The following RARB variants were observed in gnomAD, a reference collection of about 807,000 sequenced individuals.
RARB encodes the protein HBV-activated protein.
RARB carries 17 observed loss-of-function variants against 51.9 expected under a neutral mutation model. The observed-to-expected ratio is 0.33, with a 90% confidence interval of 0.22 to 0.49. The LOEUF is 0.49. RARB is among the 20% of genes least tolerant of loss of function. RARB has a pLI of 0.99. For synonymous variants in RARB, 215 were observed against 195.4 expected, an observed-to-expected ratio of 1.10 and a Z score of -0.84; for missense variants, 369 against 550.8, an observed-to-expected ratio of 0.67 and a Z score of 3.30.
chr3:25,053,113 T>C (rs1461372839), intron 2 of RARB, among the ~76,000 whole-genome samples: 1 of 152,092 alleles, frequency 6.6e-6, no homozygotes, highest in Non-Finnish European at 1.5e-5. Flanking sequence ...TGGAGTAGGC[T>C]GAGGGGGAGA....
chr3:24,938,442 G>T (rs945933262), intron 2 of RARB, among the ~76,000 whole-genome samples: 1 of 151,992 alleles, frequency 6.6e-6, no homozygotes, highest in South Asian at 2.1e-4. Flanking sequence ...TTTGTTTTCA[G>T]TCCAGTAGAT....
Position 25,224,952 on chromosome 3 carries a change from G to A in RARB, c.178+50377G>A, listed in dbSNP as rs186469776. Among the ~76,000 whole-genome samples, 413 of 152,190 alleles carry A rather than the reference G, an allele frequency of 2.7e-3. 2 individuals are homozygous for A. The highest frequency in any genetic ancestry group is 9.2e-3 in the African/African-American group (382 of 41,530). Reference sequence around the variant, plus strand: ...AAGCAGCTTAACGTTCACAGGATTTGTATTCAGAAGATAAGACAGCTTTAG... The same window carrying A: ...AAGCAGCTTAACGTTCACAGGATTTATATTCAGAAGATAAGACAGCTTTAG... On this transcript the variant is annotated intron_variant, in intron 5 of 11. Coordinates refer to the RARB transcript ENST00000383772.
intron 2 of RARB, among the ~76,000 whole-genome samples, chr3:25,057,337 TA>T (rs1698461319): frequency 1.3e-5 from 2 of 152,084 alleles, no homozygotes; most frequent in Non-Finnish European, 2.9e-5. Flanking sequence ...ATTATCTCCA[TA>T]ATTTTTCAAA....
intron 3 of RARB, among the ~76,000 whole-genome samples, chr3:25,104,672 G>A (rs1023851181): frequency 6.6e-6 from 1 of 152,000 alleles, no homozygotes; most frequent in Non-Finnish European, 1.5e-5. Flanking sequence ...ATCTCACAGT[G>A]ATACTATTGT....
intron 2 of RARB, among the ~76,000 whole-genome samples, chr3:24,874,014 T>C (rs998573233): frequency 1.8e-4 from 27 of 152,072 alleles, no homozygotes; most frequent in African/African-American, 6.0e-4. Flanking sequence ...ACTATTTACA[T>C]AGCATTTAAA....
At chr3:25,296,921 C>T (rs1428703035) in intron 5 of RARB, among the ~76,000 whole-genome samples, 1 of 152,114 alleles carries the variant, frequency 6.6e-6, no homozygotes, top group Non-Finnish European at 1.5e-5. Context: ...GAAGATATGC[C>T]TTCAGTGTCA....
At chr3:25,488,410 G>A (rs1696569362) in intron 2 of RARB, among the ~76,000 whole-genome samples, 1 of 152,184 alleles carries the variant, frequency 6.6e-6, no homozygotes, top group Non-Finnish European at 1.5e-5. Context: ...TTTTGGATGA[G>A]TTCAAAATAA....
In RARB at chr3:25,445,391, C is replaced by T. The variant is rs573293391; in HGVS notation, c.158-15802C>T. Among the ~76,000 whole-genome samples, 5 of 152,204 alleles carry T rather than the reference C, an allele frequency of 3.3e-5. No individual in the cohort carries two copies. The East Asian group carries it at 5.8e-4, about 18-fold the overall frequency. Reference sequence around the variant, plus strand: ...TCAGAATATCAAAGAGCAGTCCGGACGCATAGCTCACGCCTGTAATCCCAG... The same window carrying T: ...TCAGAATATCAAAGAGCAGTCCGGATGCATAGCTCACGCCTGTAATCCCAG... On this transcript the variant is annotated intron_variant, in intron 1 of 7. Coordinates refer to ENST00000330688, the MANE Select transcript of RARB (RefSeq NM_000965.5).
chr3:24,986,784 A>G (rs1332709562), intron 2 of RARB, among the ~76,000 whole-genome samples: 1 of 152,130 alleles, frequency 6.6e-6, no homozygotes, highest in African/African-American at 2.4e-5. Context: ...ATGGTGATTC[A>G]CATCGCAGCC....
Position 25,041,460 on chromosome 3 carries a change from A to G in RARB, c.-379-18665A>G, listed in dbSNP as rs767681503. Among the ~76,000 whole-genome samples the G allele has an allele frequency of 5.9e-5, 9 of 152,110 alleles. 1 individual carries two copies. Among genetic ancestry groups the G allele is most frequent in the Non-Finnish European group, 2.9e-5 (2 of 68,042 alleles). On this transcript the variant is annotated intron_variant, in intron 2 of 11. Coordinates refer to the RARB transcript ENST00000383772. Reference sequence around the variant, plus strand: ...TATTCTGTCTTTTCCCCTAACTGCAATAACTGGTCTGACATCCTTAGTGGA... The same window carrying G: ...TATTCTGTCTTTTCCCCTAACTGCAGTAACTGGTCTGACATCCTTAGTGGA...
Position 25,283,456 on chromosome 3 carries a change from A to G in RARB, c.178+108881A>G, listed in dbSNP as rs562102316. 2.0e-5 allele frequency among the ~76,000 whole-genome samples: 3 copies of G among 152,358 alleles called. No individual in the cohort carries two copies. In the South Asian group the frequency reaches 6.2e-4, roughly 32 times the overall value. The stretch of plus-strand genomic sequence containing the variant: ...GCCTGACCCCAAGTGGAAATTCTTC[A>G]GTTCCTCTGTATCTCAACACCAGTG... On this transcript the variant is annotated intron_variant, in intron 5 of 11. Transcript: ENST00000383772.
intron 4 of RARB, among the ~76,000 whole-genome samples, chr3:25,171,643 T>TTAAAAAAAAA (rs1553639737): frequency 8.8e-5 from 4 of 45,470 alleles, no homozygotes; most frequent in Admixed American, 3.4e-4. Context: ...CCCTGGTTGG[T>TTAAAAAAAAA]AAAAAAAAAA....
chr3:25,534,450 T>C (rs375691228), intron 3 of RARB, among the ~76,000 whole-genome samples: 2 of 152,286 alleles, frequency 1.3e-5, no homozygotes, highest in African/African-American at 4.8e-5. Flanking sequence ...TTTTCCTTAA[T>C]AGCATAAGTA....
chr3:25,255,311 G>A (rs1030621175), intron 5 of RARB, among the ~76,000 whole-genome samples: 1 of 152,126 alleles, frequency 6.6e-6, no homozygotes, highest in Non-Finnish European at 1.5e-5. Context: ...GCAGTGACTA[G>A]CGGTAAGTGA....
intron 1 of RARB, among the ~76,000 whole-genome samples, chr3:25,456,708 GAGA>G: frequency 6.8e-6 from 1 of 147,320 alleles, no homozygotes; most frequent in Admixed American, 6.8e-5. Flanking sequence ...GAGAGAGAGA[GAGA>G]GAGAGAGTCA....
intron 2 of RARB, among the ~76,000 whole-genome samples, chr3:25,484,563 C>A (rs975929786): frequency 1.3e-5 from 2 of 151,242 alleles, no homozygotes; most frequent in African/African-American, 2.4e-5. Flanking sequence ...TTTTTTTTTA[C>A]ATTTTAAATG....
intron 3 of RARB, among the ~76,000 whole-genome samples, chr3:25,077,932 G>C (rs1698908644): frequency 6.6e-6 from 1 of 152,126 alleles, no homozygotes; most frequent in Middle Eastern, 3.4e-3. Flanking sequence ...GGATATCTTT[G>C]CTAACTAATG....
chr3:24,920,729 G>T (rs1199917410), intron 2 of RARB, among the ~76,000 whole-genome samples: 17 of 152,114 alleles, frequency 1.1e-4, no homozygotes, highest in Non-Finnish European at 2.9e-5. Context: ...TCTGTCCTCA[G>T]TTCCACAAGT....
intron 2 of RARB, among the ~76,000 whole-genome samples, chr3:24,980,422 T>TTGGTC (rs1472882286): frequency 1.3e-5 from 2 of 152,222 alleles, no homozygotes; most frequent in Non-Finnish European, 2.9e-5. Context: ...AAATGTAGAT[T>TTGGTC]TGGTCTTTTC....
Sources: gnomAD v4.1 joint callset for allele counts (sites outside exome capture counted in the v4.1 genomes callset) on GRCh38, gnomAD v4.1.1 for gene constraint, MANE v1.5 for transcripts, NCBI Gene and HGNC (gene_info 2026-07-23, HGNC 2026-07-21) for gene names.